Variants in MLPH observed in about 807,000 individuals in gnomAD.
MLPH encodes melanophilin.
MLPH carries 51 observed loss-of-function variants against 72.1 expected under a neutral mutation model. That is an observed-to-expected ratio of 0.71 (90% CI 0.56 to 0.89). The LOEUF is 0.89. MLPH is among the 40% of genes least tolerant of loss of function. The pLI, the probability that MLPH is intolerant of heterozygous loss-of-function variation, is 0.00. For synonymous variants in MLPH, 301 were observed against 310.1 expected, an observed-to-expected ratio of 0.97 and a Z score of 0.31; for missense variants, 743 against 759.9, an observed-to-expected ratio of 0.98 and a Z score of 0.26.
chr2:237,511,978 C>T (rs1296790209), intron 4 of MLPH, among the ~76,000 whole-genome samples: 4 of 152,214 alleles, frequency 2.6e-5, no homozygotes, highest in Non-Finnish European at 5.9e-5. Context: ...AAGGCTTCTG[C>T]CACTAAGCCC....
chr2:237,493,004 A>G (rs1053556566), intron 1 of MLPH, among the ~76,000 whole-genome samples: 1 of 152,184 alleles, frequency 6.6e-6, no homozygotes, highest in African/African-American at 2.4e-5. Context: ...CCCTCTCCCA[A>G]GAAACTTAAG....
chr2:237,519,974 C>CTCAA lies in MLPH; in HGVS notation c.621_624dup (p.Gly209SerfsTer12). 1.2e-6 allele frequency: 2 copies of CTCAA among 1,614,082 alleles called. No homozygotes were observed. Among genetic ancestry groups the CTCAA allele is most frequent in the Non-Finnish European group, 1.7e-6 (2 of 1,180,028 alleles). The stretch of plus-strand genomic sequence containing the variant: ...GGAGACTCAGATGACTCCACTCAGC[C>CTCAA]TCAAGGTCACTCCCTGCACCTGTCC... On this transcript the variant is annotated frameshift_variant, in exon 6 of 16. Transcript: ENST00000264605. LOFTEE classifies it high-confidence loss of function.
intron 8 of MLPH, among the ~76,000 whole-genome samples, chr2:237,533,472 C>CA (rs555781099): frequency 1.6e-3 from 236 of 144,246 alleles, no homozygotes; most frequent in African/African-American, 6.1e-3. Context: ...CAGCTCACTG[C>CA]AAACTCCACC....
intron 9 of MLPH, chr2:237,537,832 A>T (rs970568668): frequency 2.0e-5 from 3 of 146,460 alleles, no homozygotes; most frequent in South Asian, 2.4e-4. Flanking sequence ...CCAGCCCTCC[A>T]GTGTCAGTGG....
intron 12 of MLPH, among the ~76,000 whole-genome samples, chr2:237,546,040 G>A (rs544340099): frequency 1.3e-5 from 2 of 152,334 alleles, no homozygotes; most frequent in East Asian, 3.9e-4. Context: ...AGGGGGACAT[G>A]AGACATCAAT....
chr2:237,489,419 T>C (rs992148641), intron 1 of MLPH, among the ~76,000 whole-genome samples: 3 of 152,056 alleles, frequency 2.0e-5, no homozygotes, highest in Non-Finnish European at 2.9e-5. Flanking sequence ...GGTTCACTTG[T>C]AGGGAAGGGA....
chr2:237,518,927 C>G (rs972013397), intron 5 of MLPH, among the ~76,000 whole-genome samples: 1 of 152,078 alleles, frequency 6.6e-6, no homozygotes, highest in African/African-American at 2.4e-5. Context: ...TGGGGGCACA[C>G]GGGTGTAGTG....
At chr2:237,511,206 ATGTGTGTGTGCACATG>A in intron 4 of MLPH, 105 bp downstream of exon 4, 1 of 853,808 alleles carries the variant, frequency 1.2e-6, no homozygotes. Context: ...GTGTGTGTGC[ATGTGTGTGTGCACATG>A]TGTGTGCATG....
At chr2:237,527,669 ATTTT>A in intron 8 of MLPH, 153 bp downstream of exon 8, 1 of 972,442 alleles carries the variant, frequency 1.0e-6, no homozygotes, top group Non-Finnish European at 1.5e-6. Context: ...TCATCACAAT[ATTTT>A]TTGTGGAAGT....
chr2:237,542,366 C>G (rs990777674), intron 11 of MLPH, among the ~76,000 whole-genome samples: 1 of 152,172 alleles, frequency 6.6e-6, no homozygotes. Context: ...GGAACACCCC[C>G]CCCTTCTCAA....
chr2:237,500,526 C>A (rs970557358), intron 2 of MLPH, among the ~76,000 whole-genome samples: 1 of 152,218 alleles, frequency 6.6e-6, no homozygotes, highest in African/African-American at 2.4e-5. Flanking sequence ...AGCTAGACAA[C>A]ACATCTAAAC....
Position 237,522,531 on chromosome 2 carries a change from T to C in MLPH, c.675+2502T>C, listed in dbSNP as rs184774367. On this transcript the variant is annotated intron_variant, in intron 6 of 15. Transcript: ENST00000264605. ...CTTCAAACACCTGCTACAACTATAG[T>C]GCTGGAGCGGAGCAGGGCTGAGACT... Among the ~76,000 whole-genome samples, 432 of 139,154 alleles carry C rather than the reference T, an allele frequency of 3.1e-3. 27 individuals carry two copies. The highest frequency in any genetic ancestry group is 0.012 in the African/African-American group (415 of 35,628). The allele number at this position is 139,154 out of a possible 152,430, so 91.3% of individuals were successfully genotyped here. A position where few individuals can be genotyped will look rare whatever the true frequency, so the allele number is the denominator to read the frequency against.
intron 8 of MLPH, among the ~76,000 whole-genome samples, chr2:237,530,256 A>T (rs2080392043): frequency 6.6e-6 from 1 of 152,202 alleles, no homozygotes; most frequent in South Asian, 2.1e-4. Context: ...CCGAGCCCTC[A>T]TTCAGCAGGA....
intron 4 of MLPH, among the ~76,000 whole-genome samples, chr2:237,513,960 G>A (rs932910843): frequency 6.6e-6 from 1 of 152,174 alleles, no homozygotes; most frequent in African/African-American, 2.4e-5. Context: ...AGATTCATTG[G>A]ACAAAAGATT....
chr2:237,501,459 G>A (rs1392351412), intron 2 of MLPH, among the ~76,000 whole-genome samples: 1 of 152,034 alleles, frequency 6.6e-6, no homozygotes, highest in African/African-American at 2.4e-5. Flanking sequence ...AGCTTGCTGT[G>A]TATTGGTGTA....
At chr2:237,515,223 G>T (rs116520394) in intron 4 of MLPH, among the ~76,000 whole-genome samples, 1 of 152,192 alleles carries the variant, frequency 6.6e-6, no homozygotes, top group Admixed American at 6.5e-5. Flanking sequence ...ACTCGGGGGC[G>T]GATGAAAGGA....
intron 2 of MLPH, among the ~76,000 whole-genome samples, chr2:237,508,792 G>A (rs1490228926): frequency 1.3e-5 from 2 of 152,080 alleles, no homozygotes; most frequent in African/African-American, 4.8e-5. Flanking sequence ...AGCCGGTGGT[G>A]CTCCCATCTC....
rs530338368 is a variant in MLPH, at chr2:237,495,802, C to T, written c.110+2266C>T. Among the ~76,000 whole-genome samples, 5 of 152,306 alleles carry T rather than the reference C, an allele frequency of 3.3e-5. No individual in the cohort carries two copies. The South Asian group carries it at 1.0e-3, about 32-fold the overall frequency. On this transcript the variant is annotated intron_variant, in intron 2 of 15. Transcript: ENST00000264605. ...CCAGTACCAGCCTGGTGGCCATGGCCGGCCACGACCACCTTCTCAAAGCCT... is the reference window on the plus strand; with the variant it reads ...CCAGTACCAGCCTGGTGGCCATGGCTGGCCACGACCACCTTCTCAAAGCCT...
rs1173800340 is a variant in MLPH, at chr2:237,541,218, A to G, written c.1446+261A>G. Among the ~76,000 whole-genome samples, 1 of 152,032 alleles carries G rather than the reference A, an allele frequency of 6.6e-6. No individual in the cohort carries two copies. Among genetic ancestry groups the G allele is most frequent in the African/African-American group, 2.4e-5 (1 of 41,332 alleles). ...GGGACAGGCAGGGTTTCCACCAAGAAAAAGGTGCTGAACACACAATCCCTG... is the reference window on the plus strand; with the variant it reads ...GGGACAGGCAGGGTTTCCACCAAGAGAAAGGTGCTGAACACACAATCCCTG... On this transcript the variant is annotated intron_variant, in intron 11 of 15. Coordinates refer to ENST00000264605, the MANE Select transcript of MLPH (RefSeq NM_024101.7). This position sits in a 1 kb window ranked among gnomAD's most constrained non-coding sequence, Gnocchi z 5.1.
Sources: gnomAD v4.1 joint callset for allele counts (sites outside exome capture counted in the v4.1 genomes callset) on GRCh38, gnomAD v4.1.1 for gene constraint, Gnocchi (gnomAD v3.1) non-coding constraint, MANE v1.5 for transcripts, NCBI Gene and HGNC (gene_info 2026-07-23, HGNC 2026-07-21) for gene names.